STON2: variants seen among roughly 807,000 people sequenced by gnomAD.
STON2 encodes the protein stonin-2.
STON2 carries 29 observed loss-of-function variants against 65.7 expected under a neutral mutation model. The observed-to-expected ratio is 0.44, with a 90% CI of 0.33 to 0.60. The LOEUF is 0.60. STON2 is among the 20% of genes least tolerant of loss of function. The pLI is 0.03. For missense variants in STON2, 1,054 were observed against 1,118.1 expected (o/e 0.94, Z 0.82); for synonymous variants, 404 against 414.2 (o/e 0.98, Z 0.30).
At chr14:81,377,499 CG>C (rs1899308768) in intron 3 of STON2, among the ~76,000 whole-genome samples, 1 of 152,104 alleles carries the variant, frequency 6.6e-6, no homozygotes, top group African/African-American at 2.4e-5. Context: ...TTTGTATGAA[CG>C]TAAGTTTCCA....
At position 81,398,545 on chromosome 14, in the gene STON2, C is replaced by G. The variant is rs1445003241; in HGVS notation, c.-163G>C. Reference sequence around the variant, plus strand: ...AGTACTCAGAATGTAGACAGATCAGCCTCTCTTGCCGTTGGTTAATCTGCC... The same window carrying G: ...AGTACTCAGAATGTAGACAGATCAGGCTCTCTTGCCGTTGGTTAATCTGCC... On this transcript the variant is annotated 5_prime_UTR_variant, in exon 2 of 8. Transcript: ENST00000614646. 6 of 485,846 alleles carry G rather than the reference C, an allele frequency of 1.2e-5. No individual in the cohort carries two copies. The allele number at this position is 485,846 out of a possible 1,614,324, so 30.1% of individuals were successfully genotyped here.
intron 2 of STON2, among the ~76,000 whole-genome samples, chr14:81,411,994 A>C (rs1458070330): frequency 7.2e-6 from 1 of 139,636 alleles, no homozygotes; most frequent in Non-Finnish European, 1.5e-5. Context: ...ATTCAAGGTA[A>C]AGGGAACCAA....
At chr14:81,336,959 G>A (rs1897396980) in intron 4 of STON2, among the ~76,000 whole-genome samples, 1 of 152,194 alleles carries the variant, frequency 6.6e-6, no homozygotes, top group Non-Finnish European at 1.5e-5. Flanking sequence ...AAAGGAGGTA[G>A]CTGTTGGGGA....
chr14:81,408,380 A>G (rs890973762), intron 2 of STON2, among the ~76,000 whole-genome samples: 2 of 152,212 alleles, frequency 1.3e-5, no homozygotes, highest in Admixed American at 6.5e-5. Flanking sequence ...CAAGTCAAAC[A>G]TGTATGAGAA....
At chr14:81,281,934 C>A (rs899980654) in intron 5 of STON2, among the ~76,000 whole-genome samples, 3 of 151,856 alleles carry the variant, frequency 2.0e-5, no homozygotes. Flanking sequence ...TTGGCAGTTT[C>A]ATGTCCCATA....
chr14:81,335,769 C>G (rs1897347970), intron 4 of STON2, among the ~76,000 whole-genome samples: 1 of 151,742 alleles, frequency 6.6e-6, no homozygotes, highest in Non-Finnish European at 1.5e-5. Context: ...GAAAGTCATT[C>G]AAAAATACCA....
At chr14:81,326,984 C>T (rs1897024940) in intron 4 of STON2, among the ~76,000 whole-genome samples, 1 of 152,102 alleles carries the variant, frequency 6.6e-6, no homozygotes. Context: ...ATGGCAAAAC[C>T]CCGTCTCTAC....
intron 4 of STON2, among the ~76,000 whole-genome samples, chr14:81,332,627 T>C (rs779203729): frequency 1.3e-5 from 2 of 152,180 alleles, no homozygotes; most frequent in African/African-American, 4.8e-5. Context: ...TAGAACTAAA[T>C]TGACAAGCAG....
At chr14:81,356,762 T>G (rs950033845) in intron 4 of STON2, among the ~76,000 whole-genome samples, 17 of 152,104 alleles carry the variant, frequency 1.1e-4, no homozygotes, top group African/African-American at 4.1e-4. Flanking sequence ...GAGGAATTTA[T>G]CCATTTCTTC....
At position 81,267,168 on chromosome 14, in the gene STON2, G is replaced by A. The variant is rs1894388637; in HGVS notation, c.*1246C>T. ...CACTAAGATACAAATAAGAAGCAGA[G>A]GTGAGTAGGAACGGATGAAGGAAAA... On this transcript the variant is annotated 3_prime_UTR_variant, in exon 8 of 8. Coordinates refer to ENST00000614646, the MANE Select transcript of STON2 (RefSeq NM_001394390.1). 8.1e-6 allele frequency: 8 copies of A among 985,306 alleles called. No homozygotes were observed. In the South Asian group the frequency reaches 3.8e-4, roughly 46 times the overall value. 61.0% of individuals were successfully genotyped at this position (985,306 alleles called of 1,614,324 possible).
chr14:81,317,837 T>G (rs1041043558), intron 5 of STON2, among the ~76,000 whole-genome samples: 1 of 152,152 alleles, frequency 6.6e-6, no homozygotes, highest in African/African-American at 2.4e-5. Flanking sequence ...ACCCATAATC[T>G]TTACATTTTA....
At chr14:81,316,410 T>C (rs1896622372) in intron 5 of STON2, among the ~76,000 whole-genome samples, 1 of 152,216 alleles carries the variant, frequency 6.6e-6, no homozygotes. Flanking sequence ...AACACCTTCC[T>C]GCTAGATTTC....
intron 5 of STON2, among the ~76,000 whole-genome samples, chr14:81,294,725 G>A (rs942667030): frequency 6.6e-6 from 1 of 152,130 alleles, no homozygotes; most frequent in African/African-American, 2.4e-5. Flanking sequence ...TGGGATGAAA[G>A]GTTTTATTTC....
At position 81,264,416 on chromosome 14, in the gene STON2, C is replaced by G; in HGVS notation, c.*3998G>C. 1.0e-6 allele frequency: 1 copy of G among 985,412 alleles called. No individual in the cohort carries two copies. Among genetic ancestry groups the G allele is most frequent in the Non-Finnish European group, 1.2e-6 (1 of 829,928 alleles). The allele number at this position is 985,412 out of a possible 1,614,324, so 61.0% of individuals were successfully genotyped here. The stretch of plus-strand genomic sequence containing the variant: ...TCAGGGTCAGTATTCTTTCAGCAAA[C>G]ATTTATTGAATACATACTCATTTTC... On this transcript the variant is annotated 3_prime_UTR_variant, in exon 8 of 8. Coordinates refer to ENST00000614646, the MANE Select transcript of STON2 (RefSeq NM_001394390.1).
chr14:81,314,489 G>A (rs573847077), intron 5 of STON2, among the ~76,000 whole-genome samples: 2 of 152,244 alleles, frequency 1.3e-5, no homozygotes, highest in African/African-American at 4.8e-5. Flanking sequence ...CAGCAACAAA[G>A]AGTGAACCAG....
intron 4 of STON2, among the ~76,000 whole-genome samples, chr14:81,352,749 C>A (rs1041194311): frequency 1.3e-5 from 2 of 152,206 alleles, no homozygotes; most frequent in Non-Finnish European, 2.9e-5. Flanking sequence ...TTGTCACCTC[C>A]TCTTCAGTAT....
intron 2 of STON2, among the ~76,000 whole-genome samples, chr14:81,417,209 G>A (rs1035081737): frequency 2.0e-5 from 3 of 152,128 alleles, no homozygotes; most frequent in African/African-American, 7.2e-5. Context: ...TCCAGGAGGT[G>A]CCATTCACAC....
chr14:81,371,491 C>T (rs1055033399), intron 3 of STON2, among the ~76,000 whole-genome samples: 3 of 151,806 alleles, frequency 2.0e-5, no homozygotes, highest in Admixed American at 6.6e-5. Flanking sequence ...GTCAGGAGAT[C>T]GAGACCATCC....
In STON2 at chr14:81,277,179, G is replaced by A. The variant is rs150248650; in HGVS notation, c.2303C>T (p.Thr768Ile). The change falls in exon 6 of 8, where the codon ACT becomes ATT. Residue 768 changes from threonine to isoleucine, a missense_variant. Transcript: ENST00000614646. The stretch of plus-strand genomic sequence containing the variant: ...GGGGTCACGATTGGCGGAGAAGCCA[G>A]TTGACATCCTCAGCCAGCTCTGCAC... ...VEVQSWLRMS[T>I]GFSANRDPLT... The A allele has an allele frequency of 6.2e-7, 1 of 1,614,216 alleles. No individual in the cohort carries two copies. Among genetic ancestry groups the A allele is most frequent in the East Asian group, 2.2e-5 (1 of 44,884 alleles).
Sources: gnomAD v4.1 joint callset for allele counts (sites outside exome capture counted in the v4.1 genomes callset) on GRCh38, gnomAD v4.1.1 for gene constraint, MANE v1.5 for transcripts, NCBI Gene and HGNC (gene_info 2026-07-23, HGNC 2026-07-21) for gene names.